SEL1L2: variants seen among roughly 807,000 people sequenced by gnomAD.
SEL1L2 encodes the protein protein sel-1 homolog 2.
Under a neutral mutation model 98.8 loss-of-function variants are expected in SEL1L2, and 89 were observed. That is an observed-to-expected ratio of 0.90 (90% confidence interval 0.76 to 1.07). SEL1L2 has a LOEUF of 1.07. Among genes scored for constraint, SEL1L2 ranks in the 50% least tolerant of loss-of-function variants. SEL1L2 has a pLI of 0.00. For missense variants in SEL1L2, 788 were observed against 812.0 expected (o/e 0.97, Z 0.36); for synonymous variants, 262 against 278.5 (o/e 0.94, Z 0.59).
intron 2 of SEL1L2, among the ~76,000 whole-genome samples, chr20:13,939,105 G>T (rs199580756): frequency 7.2e-6 from 1 of 139,184 alleles, no homozygotes; most frequent in Admixed American, 7.8e-5. Flanking sequence ...GTGCAATGGC[G>T]CAATCTCAGC....
At chr20:13,946,685 G>T (rs796753940) in intron 2 of SEL1L2, among the ~76,000 whole-genome samples, 1 of 152,316 alleles carries the variant, frequency 6.6e-6, no homozygotes, top group East Asian at 1.9e-4. Flanking sequence ...AGCTGTAGCC[G>T]CCCAGCTGCG....
chr20:13,852,302 C>T (rs1419306985), intron 18 of SEL1L2, among the ~76,000 whole-genome samples: 1 of 152,102 alleles, frequency 6.6e-6, no homozygotes, highest in Non-Finnish European at 1.5e-5. Context: ...GTGGGATGAA[C>T]TCACTCCTTG....
chr20:13,857,842 C>A (rs925565296), intron 18 of SEL1L2, among the ~76,000 whole-genome samples: 10 of 152,174 alleles, frequency 6.6e-5, no homozygotes, highest in Non-Finnish European at 1.2e-4. Context: ...CTACAAAGCC[C>A]TTTCATAAAA....
At chr20:13,860,767 C>T (rs1989990663) in intron 17 of SEL1L2, among the ~76,000 whole-genome samples, 1 of 152,052 alleles carries the variant, frequency 6.6e-6, no homozygotes, top group African/African-American at 2.4e-5. Flanking sequence ...TCTTTATTAA[C>T]TATTTCTAAA....
intron 2 of SEL1L2, among the ~76,000 whole-genome samples, chr20:13,951,132 C>G (rs1447129955): frequency 1.3e-5 from 2 of 150,192 alleles, no homozygotes; most frequent in African/African-American, 2.5e-5. Context: ...AAAAAATTAG[C>G]CGGGTGTGGT....
At chr20:13,888,213 A>G (rs919561147) in intron 6 of SEL1L2, among the ~76,000 whole-genome samples, 2 of 152,218 alleles carry the variant, frequency 1.3e-5, no homozygotes, top group African/African-American at 4.8e-5. Flanking sequence ...AGGGCATTGT[A>G]TAAGATATTT....
At chr20:13,858,891 C>T (rs1354995941) in intron 18 of SEL1L2, among the ~76,000 whole-genome samples, 4 of 152,134 alleles carry the variant, frequency 2.6e-5, no homozygotes, top group African/African-American at 9.7e-5. Context: ...CTCCTTGTTC[C>T]TGAGAGCTTG....
chr20:13,893,469 A>T (rs1472803017), intron 5 of SEL1L2, among the ~76,000 whole-genome samples: 1 of 152,208 alleles, frequency 6.6e-6, no homozygotes, highest in East Asian at 1.9e-4. Flanking sequence ...GAAAGATGTA[A>T]CAAGTATAAA....
chr20:13,963,608 C>CG (rs1468524257), intron 1 of SEL1L2, among the ~76,000 whole-genome samples: 3 of 151,504 alleles, frequency 2.0e-5, no homozygotes, highest in Non-Finnish European at 4.4e-5. Context: ...CCCAGCTATT[C>CG]GGGGGGCTGA....
At chr20:13,985,103 C>T (rs1327365589) in intron 1 of SEL1L2, among the ~76,000 whole-genome samples, 1 of 151,958 alleles carries the variant, frequency 6.6e-6, no homozygotes, top group Non-Finnish European at 1.5e-5. Context: ...TATCCCCTCT[C>T]CCCCAACCCT....
intron 1 of SEL1L2, among the ~76,000 whole-genome samples, chr20:13,983,023 C>CAAAAAAAAAAAAAAAAAATAAAAA (rs2051924332): frequency 6.4e-5 from 1 of 15,562 alleles, no homozygotes; most frequent in African/African-American, 1.5e-4. Context: ...GACTCCATCT[C>CAAAAAAAAAAAAAAAAAATAAAAA]AAAAAAAAAA....
intron 1 of SEL1L2, among the ~76,000 whole-genome samples, chr20:13,987,899 T>A (rs994009050): frequency 7.9e-5 from 12 of 152,208 alleles, no homozygotes; most frequent in Non-Finnish European, 1.5e-4. Flanking sequence ...GATATATGAG[T>A]CACAAAAATT....
chr20:13,972,405 T>G (rs2051325984), intron 1 of SEL1L2, among the ~76,000 whole-genome samples: 2 of 152,330 alleles, frequency 1.3e-5, no homozygotes, highest in South Asian at 2.1e-4. Context: ...TGAAAAGGAT[T>G]TTTAAAAAGA....
At chr20:13,940,241 T>A (rs2049694582) in intron 2 of SEL1L2, among the ~76,000 whole-genome samples, 1 of 152,128 alleles carries the variant, frequency 6.6e-6, no homozygotes, top group Non-Finnish European at 1.5e-5. Flanking sequence ...GGTGCATAAT[T>A]TTGATTGGGT....
At chr20:13,994,007 T>G (rs2052583195), upstream of SEL1L2, among the ~76,000 whole-genome samples, 1 of 152,132 alleles carries the variant, frequency 6.6e-6, no homozygotes, top group Non-Finnish European at 1.5e-5. Flanking sequence ...TTTTCGTATT[T>G]CACAGCATTA....
At chr20:13,892,838 A>C (rs1848930080) in intron 5 of SEL1L2, among the ~76,000 whole-genome samples, 1 of 152,236 alleles carries the variant, frequency 6.6e-6, no homozygotes, top group African/African-American at 2.4e-5. Flanking sequence ...GGATAGACAA[A>C]GATATTCCAT....
At chr20:13,939,040 G>GTTTTGTTTTTTTTTTTTTTTTTTTT (rs2049605907) in intron 2 of SEL1L2, among the ~76,000 whole-genome samples, 1 of 114,072 alleles carries the variant, frequency 8.8e-6, no homozygotes, top group African/African-American at 3.5e-5. Flanking sequence ...TGCTTGTTTT[G>GTTTTGTTTTTTTTTTTTTTTTTTTT]TTTTTTTTTT....
At chr20:13,977,653 G>A (rs1210581350) in intron 1 of SEL1L2, among the ~76,000 whole-genome samples, 1 of 152,146 alleles carries the variant, frequency 6.6e-6, no homozygotes, top group African/African-American at 2.4e-5. Flanking sequence ...ACTCAATGAA[G>A]CTGAGATAAA....
At chr20:13,949,688 C>CA (rs1178121070) in intron 2 of SEL1L2, among the ~76,000 whole-genome samples, 16 of 135,292 alleles carry the variant, frequency 1.2e-4, no homozygotes, top group East Asian at 6.6e-4. Flanking sequence ...AAACAAACAA[C>CA]AAAAAAAACC....
Sources: gnomAD v4.1 joint callset for allele counts (sites outside exome capture counted in the v4.1 genomes callset) on GRCh38, gnomAD v4.1.1 for gene constraint, MANE v1.5 for transcripts, NCBI Gene and HGNC (gene_info 2026-07-23, HGNC 2026-07-21) for gene names.